RIMBP2: variants seen among roughly 807,000 people sequenced by gnomAD.
RIMBP2 encodes the protein RIMS-binding protein 2.
Under a neutral mutation model 118.6 loss-of-function variants are expected in RIMBP2, and 48 were observed. That is an observed-to-expected ratio of 0.40 (90% confidence interval 0.32 to 0.51). RIMBP2 has a LOEUF of 0.51. RIMBP2 is among the 20% of genes least tolerant of loss of function. The pLI is 0.41. For synonymous variants in RIMBP2, 762 were observed against 742.9 expected (o/e 1.03, Z -0.42); for missense variants, 1,551 against 1,768.3 (o/e 0.88, Z 2.20).
chr12:130,452,653 G>T (rs929258627), intron 7 of RIMBP2, among the ~76,000 whole-genome samples: 2 of 152,196 alleles, frequency 1.3e-5, no homozygotes, highest in African/African-American at 4.8e-5. Context: ...GGAGTGGCAG[G>T]CTCCACTTGT....
chr12:130,407,971 A>G, intron 19 of RIMBP2, 142 bp from the exon 20 acceptor site: 2 of 711,628 alleles, frequency 2.8e-6, no homozygotes, highest in Non-Finnish European at 5.0e-6. Flanking sequence ...GGGCACTCAC[A>G]TCAGCAAACG....
chr12:130,399,953 T>C (rs2074372038), intron 21 of RIMBP2, 140 bp from the exon 22 acceptor site: 4 of 961,054 alleles, frequency 4.2e-6, no homozygotes, highest in Non-Finnish European at 4.5e-6. Flanking sequence ...TTGAAAGGAC[T>C]CTAAATCAGG....
intron 4 of RIMBP2, among the ~76,000 whole-genome samples, chr12:130,482,784 G>C (rs372340169): frequency 8.1e-4 from 105 of 129,786 alleles, no homozygotes; most frequent in East Asian, 2.8e-3. Context: ...GGAGGGGGCA[G>C]ACCTCATCCC....
chr12:130,643,922 C>T (rs2141042520), intron 1 of RIMBP2, among the ~76,000 whole-genome samples: 1 of 152,222 alleles, frequency 6.6e-6, no homozygotes, highest in East Asian at 1.9e-4. Flanking sequence ...GGTGGGCCCC[C>T]CAAGAAGGTG....
chr12:130,623,691 C>A lies in RIMBP2; in HGVS notation c.-217+4631G>T, dbSNP rs2061455219. Among the ~76,000 whole-genome samples, 1 of 152,136 alleles carries A rather than the reference C, an allele frequency of 6.6e-6. No individual in the cohort carries two copies. The highest frequency in any genetic ancestry group is 2.4e-5 in the African/African-American group (1 of 41,426). On this transcript the variant is annotated intron_variant, in intron 2 of 22. Transcript: ENST00000690449. The surrounding 1 kb of genome is among the most constrained non-coding windows in gnomAD (Gnocchi z 4.1). ...TACCACCAACACCTGCATTTCTGTG[C>A]CTGGGGGCTCCATCTAGCTGAGACC...
At chr12:130,704,568 C>G (rs986840758) in intron 1 of RIMBP2, among the ~76,000 whole-genome samples, 3 of 151,992 alleles carry the variant, frequency 2.0e-5, no homozygotes, top group African/African-American at 4.8e-5. Context: ...GAGCCAGACT[C>G]CATCTCAATA....
At chr12:130,451,581 G>C (rs893249605) in intron 7 of RIMBP2, among the ~76,000 whole-genome samples, 1 of 152,262 alleles carries the variant, frequency 6.6e-6, no homozygotes, top group African/African-American at 2.4e-5. Context: ...GGGGGCTCAG[G>C]ACGAGGATGG....
At chr12:130,629,918 A>G (rs189415889) in intron 1 of RIMBP2, among the ~76,000 whole-genome samples, 1 of 151,448 alleles carries the variant, frequency 6.6e-6, no homozygotes, top group East Asian at 1.9e-4. Flanking sequence ...AGAGTAAAAG[A>G]ACATAATGAT....
chr12:130,424,915 G>A lies in RIMBP2; in HGVS notation c.2413-57C>T. ...GGAAAGAGTGTGTGGTCAGCATGAA[G>A]TGGGGGCCAGGGGAGGAAAGAAAAT... On this transcript the variant is annotated intron_variant, in intron 15 of 22. Transcript: ENST00000690449. This position sits in a 1 kb window ranked among gnomAD's most constrained non-coding sequence, Gnocchi z 9.8. 9.5e-7 allele frequency: 1 copy of A among 1,052,628 alleles called. No homozygotes were observed. Among genetic ancestry groups the A allele is most frequent in the Non-Finnish European group, 1.2e-6 (1 of 824,360 alleles). 65.2% of individuals were successfully genotyped at this position (1,052,628 alleles called of 1,614,324 possible). A position where few individuals can be genotyped will look rare whatever the true frequency, so the allele number is the denominator to read the frequency against.
chr12:130,396,407 A>C lies in RIMBP2; in HGVS notation c.*954T>G, dbSNP rs917137280. On this transcript the variant is annotated 3_prime_UTR_variant, in exon 23 of 23. Coordinates refer to ENST00000690449, the MANE Select transcript of RIMBP2 (RefSeq NM_001393629.1). ...TACAAGTGGACAAGAATTACAAAAG[A>C]GTAACCATCAAATACATCTGCCAGC... The C allele has an allele frequency of 5.2e-5, 8 of 152,694 alleles. No homozygotes were observed. Among genetic ancestry groups the C allele is most frequent in the Non-Finnish European group, 1.2e-4 (8 of 68,052 alleles). 9.5% of individuals were successfully genotyped at this position (152,694 alleles called of 1,614,324 possible). A position where few individuals can be genotyped will look rare whatever the true frequency, so the allele number is the denominator to read the frequency against.
chr12:130,522,335 C>T (rs2052221124), intron 2 of RIMBP2, among the ~76,000 whole-genome samples: 1 of 152,210 alleles, frequency 6.6e-6, no homozygotes, highest in African/African-American at 2.4e-5. Flanking sequence ...ACTCAGTGGA[C>T]AGGGCCAGAG....
intron 2 of RIMBP2, among the ~76,000 whole-genome samples, chr12:130,608,890 G>A (rs2060340973): frequency 6.6e-6 from 1 of 152,026 alleles, no homozygotes; most frequent in Non-Finnish European, 1.5e-5. Context: ...GCACCCTCCT[G>A]TCTAACTGTA....
At chr12:130,590,720 C>G (rs1281002445) in intron 2 of RIMBP2, among the ~76,000 whole-genome samples, 1 of 152,206 alleles carries the variant, frequency 6.6e-6, no homozygotes. Context: ...CAGACCTCCC[C>G]GCTTCTGAGG....
intron 9 of RIMBP2, among the ~76,000 whole-genome samples, chr12:130,445,520 ATAACAGGTT>A (rs2078453415): frequency 6.6e-6 from 1 of 152,226 alleles, no homozygotes; most frequent in Admixed American, 6.5e-5. Context: ...TTTGCATCAG[ATAACAGGTT>A]TATGATTCTG....
At chr12:130,544,596 C>CTTTTTTTTTTTT (rs35041449) in intron 2 of RIMBP2, among the ~76,000 whole-genome samples, 1 of 100,498 alleles carries the variant, frequency 1.0e-5, no homozygotes, top group Non-Finnish European at 1.8e-5. Flanking sequence ...AACTGGAGGC[C>CTTTTTTTTTTTT]TTTTTTTTTT....
At chr12:130,650,240 T>G (rs11061055) in intron 1 of RIMBP2, among the ~76,000 whole-genome samples, 61,560 of 151,860 alleles carry the variant, frequency 0.41, 12,976 homozygotes, top group East Asian at 0.61. Flanking sequence ...GGTCCCTGGG[T>G]GCTGACTCGT....
intron 1 of RIMBP2, among the ~76,000 whole-genome samples, chr12:130,699,708 C>A (rs2065755549): frequency 6.6e-6 from 1 of 151,558 alleles, no homozygotes; most frequent in Non-Finnish European, 1.5e-5. Context: ...TGCACATGTA[C>A]CCTAAAACTT....
At chr12:130,613,493 C>T (rs1450479724) in intron 2 of RIMBP2, among the ~76,000 whole-genome samples, 1 of 152,102 alleles carries the variant, frequency 6.6e-6, no homozygotes, top group East Asian at 1.9e-4. Context: ...CAGGGAACGC[C>T]CAGCACAGAC....
At position 130,431,717 on chromosome 12, in the gene RIMBP2, G is replaced by A. The variant is rs565909791; in HGVS notation, c.2253+3017C>T. ...TAAAAAACAAAACAAGCAGGAAAAC[G>A]TGTTAATAGCATGCTTGGCCAAACA... On this transcript the variant is annotated intron_variant, in intron 14 of 22. Transcript: ENST00000690449. This position sits in a 1 kb window ranked among gnomAD's most constrained non-coding sequence, Gnocchi z 4.0. The A allele has an allele frequency of 1.6e-4, 24 of 154,710 alleles. 1 individual carries two copies. In the East Asian group the frequency reaches 3.0e-3, roughly 20 times the overall value. 9.6% of individuals were successfully genotyped at this position (154,710 alleles called of 1,614,324 possible). A position where few individuals can be genotyped will look rare whatever the true frequency, so the allele number is the denominator to read the frequency against.
Sources: gnomAD v4.1 joint callset for allele counts (sites outside exome capture counted in the v4.1 genomes callset) on GRCh38, gnomAD v4.1.1 for gene constraint, Gnocchi (gnomAD v3.1) non-coding constraint, MANE v1.5 for transcripts, NCBI Gene and HGNC (gene_info 2026-07-23, HGNC 2026-07-21) for gene names.